CKAP5: variants seen among roughly 807,000 people sequenced by gnomAD.
CKAP5 encodes cytoskeleton associated protein 5.
A neutral mutation model predicts 232.8 loss-of-function variants in CKAP5; 27 were observed. The ratio of observed to expected loss-of-function variants is 0.12; its 90% confidence interval spans 0.09 to 0.16. CKAP5 has a LOEUF of 0.16. CKAP5 is among the 10% of genes least tolerant of loss of function. The pLI, the probability that CKAP5 is intolerant of heterozygous loss-of-function variation, is 1.00. For synonymous variants in CKAP5, 785 were observed against 841.1 expected (o/e 0.93, Z 1.16); for missense variants, 1,838 against 2,424.7 (o/e 0.76, Z 5.08).
In CKAP5 at chr11:46,838,014, T is replaced by C. The variant is rs77011466; in HGVS notation, c.-38+8206A>G. Among the ~76,000 whole-genome samples the C allele has an allele frequency of 3.8e-3, 580 of 151,972 alleles. 6 individuals are homozygous for C. The highest frequency in any genetic ancestry group is 6.3e-3 in the Non-Finnish European group (430 of 67,934). Reference sequence around the variant, plus strand: ...CACTGTAGAAACCTCACAAACACTATTTCAGGTCAATATGAACAGTCAAGG... The same window carrying C: ...CACTGTAGAAACCTCACAAACACTACTTCAGGTCAATATGAACAGTCAAGG... On this transcript the variant is annotated intron_variant, in intron 1 of 43. Transcript: ENST00000529230.
rs760175816 is a variant in CKAP5 at position 46,797,852 on chromosome 11, T to C, written c.1291A>G (p.Thr431Ala). 6.2e-6 allele frequency: 10 copies of C among 1,613,942 alleles called. No individual in the cohort carries two copies. In the East Asian group the frequency reaches 2.0e-4, roughly 32 times the overall value. ...ARSFRHCTASTLPKSLLKPFC... is the reference protein window; with the variant it reads ...ARSFRHCTASALPKSLLKPFC... ...GGCTTTAGCAAGCTCTTTGGCAGGG[T>C]AGAAGCAGTGCAGTGGCGGAAACTT... The change falls in exon 11 of 44, where the codon ACC becomes GCC. Residue 431 changes from threonine to alanine, a missense_variant. Physicochemically the swap from Thr to Ala is moderately conservative, Grantham distance 58. Around this residue, in one of 6 missense-constraint regions of CKAP5, gnomAD observed 767 missense variants for 954.6 expected, o/e 0.80. Coordinates refer to ENST00000529230, the MANE Select transcript of CKAP5 (RefSeq NM_001008938.4).
intron 1 of CKAP5, among the ~76,000 whole-genome samples, chr11:46,841,427 A>AAT: frequency 6.6e-6 from 1 of 152,306 alleles, no homozygotes; most frequent in East Asian, 1.9e-4. Flanking sequence ...TAAACTTATT[A>AAT]AAGTTTCTTA....
intron 13 of CKAP5, among the ~76,000 whole-genome samples, chr11:46,795,229 A>C (rs1445872168): frequency 1.3e-5 from 2 of 151,576 alleles, no homozygotes; most frequent in Admixed American, 1.3e-4. Flanking sequence ...CTGGGGGGCT[A>C]AGGCAGGAGG....
intron 4 of CKAP5, among the ~76,000 whole-genome samples, chr11:46,815,913 G>A (rs1592477659): frequency 6.6e-6 from 1 of 152,278 alleles, no homozygotes; most frequent in Middle Eastern, 3.4e-3. Context: ...ACAACAGGAG[G>A]TGAACAGCTA....
At chr11:46,801,407 C>T in intron 8 of CKAP5, 103 bp from the exon 9 acceptor site, 1 of 814,860 alleles carries the variant, frequency 1.2e-6, no homozygotes, top group Admixed American at 2.1e-5. Context: ...CAGCGGCTCA[C>T]ACCTGTAATC....
intron 20 of CKAP5, 122 bp downstream of exon 20, chr11:46,780,072 A>G (rs1565731560): frequency 1.9e-6 from 2 of 1,055,848 alleles, no homozygotes; most frequent in East Asian, 2.5e-5. Context: ...CACTTAAGCA[A>G]TCCTCCTTCC....
chr11:46,784,769 G>A, intron 16 of CKAP5, 96 bp from the exon 17 acceptor site: 1 of 815,524 alleles, frequency 1.2e-6, no homozygotes, highest in Non-Finnish European at 1.9e-6. Context: ...ACATGGTTAG[G>A]GACAGCTGGA....
rs2065311273 is a variant in CKAP5, at chr11:46,778,582, T to C, written c.2451A>G (p.Pro817=). The C allele has an allele frequency of 6.2e-7, 1 of 1,613,866 alleles. No individual in the cohort carries two copies. Among genetic ancestry groups the C allele is most frequent in the African/African-American group, 1.3e-5 (1 of 74,934 alleles). The part of the protein sequence containing the change: ...AEFEKMQGQS[P]PAPTRGISKH... ...TGGAAATTCCTCTGGTTGGAGCAGG[T>C]GGACTTTGTCCCTGCATCTATACAC... is the stretch of plus-strand genomic sequence containing the variant. Residue 817 remains proline, a synonymous_variant, in exon 21 of 44, where the codon CCA becomes CCG. Transcript: ENST00000529230.
rs1377586190 is a variant in CKAP5, at chr11:46,796,849, G to A, written c.1430C>T (p.Pro477Leu). ...GAGTTTGTCCACATCAGCTAGGAAT[G>A]GGTTTACTGCTTTCTCGCCAACCAC... The part of the protein sequence containing the change: ...LKVVGEKAVN[P>L]FLADVDKLKL... The change falls in exon 12 of 44, where the codon CCA (proline) becomes CTA (leucine). Residue 477 changes from proline to leucine, a missense_variant. Physicochemically the swap from Pro to Leu is moderately conservative, Grantham distance 98. This residue lies in a region of CKAP5 where 767 missense variants were observed against 954.6 expected (regional missense o/e 0.80). Transcript: ENST00000529230. 6.2e-6 allele frequency: 10 copies of A among 1,613,906 alleles called. No homozygotes were observed. The highest frequency in any genetic ancestry group is 8.5e-6 in the Non-Finnish European group (10 of 1,179,948).
intron 4 of CKAP5, among the ~76,000 whole-genome samples, chr11:46,813,858 G>C (rs1046236400): frequency 6.6e-6 from 1 of 152,092 alleles, no homozygotes; most frequent in East Asian, 1.9e-4. Flanking sequence ...TTATAGGCCA[G>C]GTGCGGTTGC....
intron 13 of CKAP5, among the ~76,000 whole-genome samples, chr11:46,795,097 GGCGGGTGGATCACCT>G (rs1389343865): frequency 6.6e-6 from 1 of 152,174 alleles, no homozygotes; most frequent in Non-Finnish European, 1.5e-5. Flanking sequence ...GGGAGGTCAA[GGCGGGTGGATCACCT>G]GAGGTCAGGA....
intron 1 of CKAP5, among the ~76,000 whole-genome samples, chr11:46,839,032 C>G (rs1939986171): frequency 6.7e-6 from 1 of 149,964 alleles, no homozygotes; most frequent in Non-Finnish European, 1.5e-5. Context: ...GAGGTAACCT[C>G]AAAGGAAAAA....
intron 42 of CKAP5, among the ~76,000 whole-genome samples, chr11:46,748,760 C>T (rs746256135): frequency 6.6e-6 from 1 of 152,038 alleles, no homozygotes; most frequent in African/African-American, 2.4e-5. Flanking sequence ...CAGAGCGAGA[C>T]TGTCTCAAAA....
chr11:46,776,705 C>T (rs1419655564), intron 23 of CKAP5, among the ~76,000 whole-genome samples: 1 of 152,084 alleles, frequency 6.6e-6, no homozygotes, highest in East Asian at 1.9e-4. Flanking sequence ...CATTTACGTC[C>T]ATGTCTGTCT....
chr11:46,791,124 A>C (rs1938706678), intron 13 of CKAP5, among the ~76,000 whole-genome samples: 1 of 152,172 alleles, frequency 6.6e-6, no homozygotes, highest in South Asian at 2.1e-4. Flanking sequence ...CCATATTAAA[A>C]ACTTGAATTT....
At chr11:46,772,425 A>G (rs559960005) in intron 24 of CKAP5, among the ~76,000 whole-genome samples, 34 of 152,258 alleles carry the variant, frequency 2.2e-4, no homozygotes, top group African/African-American at 7.7e-4. Flanking sequence ...TAAAAGTTCT[A>G]TAGTTTTATG....
chr11:46,793,405 C>G (rs899709668), intron 13 of CKAP5, among the ~76,000 whole-genome samples: 1 of 152,176 alleles, frequency 6.6e-6, no homozygotes, highest in African/African-American at 2.4e-5. Context: ...TTAAGAGAGT[C>G]CACAGGACAC....
chr11:46,810,833 T>G (rs1165230925), intron 5 of CKAP5, among the ~76,000 whole-genome samples, 174 bp downstream of exon 5: 1 of 152,176 alleles, frequency 6.6e-6, no homozygotes, highest in Non-Finnish European at 1.5e-5. Context: ...ACACAGATAA[T>G]AAGTTCTGCC....
At position 46,810,990 on chromosome 11, in the gene CKAP5, A is replaced by C. The variant is rs752703653; in HGVS notation, c.630+17T>G. Reference sequence around the variant, plus strand: ...ATTAACCTTGTGCGAAAGCAACCAGAAAACTTTTTGTCTCACCTGAACAGA... The same window carrying C: ...ATTAACCTTGTGCGAAAGCAACCAGCAAACTTTTTGTCTCACCTGAACAGA... On this transcript the variant is annotated intron_variant, in intron 5 of 43. Coordinates refer to ENST00000529230, the MANE Select transcript of CKAP5 (RefSeq NM_001008938.4). 6.4e-7 allele frequency: 1 copy of C among 1,566,290 alleles called. No individual in the cohort carries two copies. Among genetic ancestry groups the C allele is most frequent in the East Asian group, 2.3e-5 (1 of 43,588 alleles).
Sources: gnomAD v4.1 joint callset for allele counts (sites outside exome capture counted in the v4.1 genomes callset) on GRCh38, gnomAD v4.1.1 for gene constraint, gnomAD v4.1.1 regional missense constraint, MANE v1.5 for transcripts, NCBI Gene and HGNC (gene_info 2026-07-23, HGNC 2026-07-21) for gene names.